The following CNTNAP2 variants were observed in gnomAD, a reference collection of about 807,000 sequenced individuals.
CNTNAP2 encodes contactin associated protein 2.
Under a neutral mutation model 155.2 loss-of-function variants are expected in CNTNAP2, and 98 were observed. The observed-to-expected ratio is 0.63, with a 90% CI of 0.54 to 0.75. The LOEUF is 0.75. Ranked by LOEUF, CNTNAP2 falls within the 30% of genes least tolerant of loss-of-function variation. CNTNAP2 has a pLI of 0.00. For missense variants in CNTNAP2, 1,727 were observed against 1,688.1 expected, an observed-to-expected ratio of 1.02 and a Z score of -0.40; for synonymous variants, 651 against 631.2, an observed-to-expected ratio of 1.03 and a Z score of -0.47.
intron 14 of CNTNAP2, among the ~76,000 whole-genome samples, chr7:147,955,323 TTAAA>T (rs1377576102): frequency 1.3e-5 from 2 of 152,172 alleles, no homozygotes; most frequent in African/African-American, 2.4e-5. Context: ...ATGATATACT[TTAAA>T]TATTAATTTA....
rs554931911 is a variant in CNTNAP2, at chr7:148,131,402, T to C, written c.2554+13114T>C. Among the ~76,000 whole-genome samples, 21 of 152,266 alleles carry C rather than the reference T, an allele frequency of 1.4e-4. No homozygotes were observed. In the South Asian group the frequency reaches 3.7e-3, roughly 27 times the overall value. ...ATAAGCCACCACGCCCTGCCAACAC[T>C]TTCCATATTATTTACTCTATGTGGT... On this transcript the variant is annotated intron_variant, in intron 16 of 23. Transcript: ENST00000361727.
chr7:146,479,736 G>A (rs1361473244), intron 1 of CNTNAP2, among the ~76,000 whole-genome samples: 3 of 151,864 alleles, frequency 2.0e-5, no homozygotes, highest in Admixed American at 6.6e-5. Flanking sequence ...GACTTTTAGA[G>A]GAATGCAATT....
At position 147,446,272 on chromosome 7, in the gene CNTNAP2, CT is replaced by C. The variant is rs1318685618; in HGVS notation, c.1671-39661del. On this transcript the variant is annotated intron_variant, in intron 10 of 23. Coordinates refer to ENST00000361727, the MANE Select transcript of CNTNAP2 (RefSeq NM_014141.6). ...CCTAGATTCCAAGGTGGCACTCTTCCTTCCTAACATCCTTTTTAATTCCACT... is the reference window on the plus strand; with the variant it reads ...CCTAGATTCCAAGGTGGCACTCTTCCTCCTAACATCCTTTTTAATTCCACT... Among the ~76,000 whole-genome samples the C allele has an allele frequency of 2.6e-5, 4 of 152,022 alleles. No individual in the cohort carries two copies. In the East Asian group the frequency reaches 7.7e-4, roughly 29 times the overall value.
chr7:147,604,592 C>T (rs1201661478), intron 12 of CNTNAP2, among the ~76,000 whole-genome samples: 3 of 152,198 alleles, frequency 2.0e-5, no homozygotes, highest in African/African-American at 7.2e-5. Context: ...CTTTGCTTCT[C>T]TGCTCTTCAT....
chr7:146,176,885 G>A (rs1046738844), intron 1 of CNTNAP2, among the ~76,000 whole-genome samples: 2 of 152,296 alleles, frequency 1.3e-5, no homozygotes, highest in East Asian at 3.9e-4. Flanking sequence ...AGAAGGTTTT[G>A]TGCCTCTAGC....
chr7:147,869,023 G>A (rs1235325896), intron 13 of CNTNAP2, among the ~76,000 whole-genome samples: 1 of 152,196 alleles, frequency 6.6e-6, no homozygotes, highest in East Asian at 1.9e-4. Context: ...TACTTCAGTT[G>A]GAAATGCAGA....
intron 11 of CNTNAP2, among the ~76,000 whole-genome samples, chr7:147,558,712 C>A (rs1286382884): frequency 6.7e-5 from 3 of 44,698 alleles, no homozygotes; most frequent in Non-Finnish European, 1.0e-4. Context: ...TTCCTTCCTT[C>A]CTTCCTTCCT....
At position 147,128,692 on chromosome 7, in the gene CNTNAP2, G is replaced by A; in HGVS notation, c.940-1G>A. On this transcript the variant is annotated splice_acceptor_variant, in intron 6 of 23. Transcript: ENST00000361727. LOFTEE classifies it high-confidence loss of function. ...TTACATTTAATTTCTTTTTCTCAAA[G>A]ATAACCTTTGGAGGCATCCCTTTCT... 6.2e-7 allele frequency: 1 copy of A among 1,613,656 alleles called. No individual in the cohort carries two copies. The highest frequency in any genetic ancestry group is 8.5e-7 in the Non-Finnish European group (1 of 1,179,696).
chr7:146,654,447 C>T (rs75384925), intron 1 of CNTNAP2, among the ~76,000 whole-genome samples: 6,724 of 152,144 alleles, frequency 0.044, 172 homozygotes, highest in Middle Eastern at 0.092. Flanking sequence ...GACAAGTAGA[C>T]TAATAGCTTG....
chr7:147,523,274 C>A (rs935124353), intron 11 of CNTNAP2, among the ~76,000 whole-genome samples: 1 of 152,112 alleles, frequency 6.6e-6, no homozygotes, highest in Non-Finnish European at 1.5e-5. Context: ...CATGGCATCC[C>A]GGTTCACCAA....
chr7:146,378,066 G>C (rs1170478795), intron 1 of CNTNAP2, among the ~76,000 whole-genome samples: 1 of 152,062 alleles, frequency 6.6e-6, no homozygotes, highest in Non-Finnish European at 1.5e-5. Flanking sequence ...CCCTATAAGG[G>C]CATGCATTGT....
intron 13 of CNTNAP2, among the ~76,000 whole-genome samples, chr7:147,744,819 G>T (rs1403278330): frequency 6.6e-6 from 1 of 152,114 alleles, no homozygotes; most frequent in African/African-American, 2.4e-5. Flanking sequence ...CAGGGAGCAT[G>T]CCCCACCCTC....
intron 9 of CNTNAP2, among the ~76,000 whole-genome samples, chr7:147,321,104 C>A (rs879663515): frequency 5.9e-5 from 9 of 152,192 alleles, no homozygotes; most frequent in Non-Finnish European, 1.2e-4. Flanking sequence ...TTCATACTTA[C>A]CTCTGTGTTC....
intron 22 of CNTNAP2, among the ~76,000 whole-genome samples, chr7:148,388,019 T>TA (rs990641689): frequency 2.5e-4 from 38 of 152,028 alleles, no homozygotes; most frequent in Admixed American, 1.4e-3. Context: ...CTATAGGGCC[T>TA]AAAAAAAGGG....
At chr7:146,425,533 A>G (rs1404999688) in intron 1 of CNTNAP2, among the ~76,000 whole-genome samples, 1 of 152,196 alleles carries the variant, frequency 6.6e-6, no homozygotes, top group Non-Finnish European at 1.5e-5. Context: ...TAGTACATCA[A>G]TAATTATTTT....
intron 13 of CNTNAP2, among the ~76,000 whole-genome samples, chr7:147,866,438 C>T (rs1165511402): frequency 1.3e-5 from 2 of 152,154 alleles, no homozygotes; most frequent in African/African-American, 4.8e-5. Flanking sequence ...ATTAAGTCTG[C>T]TTAATGCAGA....
chr7:147,775,284 A>AAT (rs1175635782), intron 13 of CNTNAP2, among the ~76,000 whole-genome samples: 10 of 81,034 alleles, frequency 1.2e-4, no homozygotes, highest in South Asian at 9.1e-4. Flanking sequence ...TATATTTATA[A>AAT]ATATATATAT....
chr7:147,025,878 A>AT (rs1049209978), intron 3 of CNTNAP2, among the ~76,000 whole-genome samples: 6 of 144,396 alleles, frequency 4.2e-5, no homozygotes, highest in East Asian at 2.0e-4. Flanking sequence ...ATTTTTATAT[A>AT]TTTTTTAATT....
intron 1 of CNTNAP2, among the ~76,000 whole-genome samples, chr7:146,349,049 A>G (rs577486598): frequency 3.9e-5 from 6 of 152,278 alleles, no homozygotes; most frequent in Non-Finnish European, 7.4e-5. Flanking sequence ...CTGTTAGTTC[A>G]TAGTAAGTTA....
Sources: gnomAD v4.1 joint callset for allele counts (sites outside exome capture counted in the v4.1 genomes callset) on GRCh38, gnomAD v4.1.1 for gene constraint, MANE v1.5 for transcripts, NCBI Gene and HGNC (gene_info 2026-07-23, HGNC 2026-07-21) for gene names.